Variants in KIAA1958 observed in about 807,000 individuals in gnomAD.
KIAA1958 encodes uncharacterized protein KIAA1958.
In KIAA1958, 14 loss-of-function variants were observed where a neutral mutation model predicts 47.2. The ratio of observed to expected loss-of-function variants is 0.30; its 90% CI spans 0.20 to 0.46. KIAA1958 has a LOEUF of 0.46. Among genes scored for constraint, KIAA1958 ranks in the 20% least tolerant of loss-of-function variants. The probability of loss-of-function intolerance (pLI) is 1.00; values close to 1 mark genes in which losing one functional copy is unlikely to be tolerated. For missense variants in KIAA1958, 803 were observed against 909.2 expected (o/e 0.88, Z 1.50); for synonymous variants, 354 against 353.3 (o/e 1.00, Z -0.02).
chr9:112,539,461 G>A (rs1834904753), intron 1 of KIAA1958, among the ~76,000 whole-genome samples: 1 of 152,120 alleles, frequency 6.6e-6, no homozygotes, highest in South Asian at 2.1e-4. Context: ...TCATGAAATG[G>A]GTAGCATAGA....
intron 1 of KIAA1958, among the ~76,000 whole-genome samples, chr9:112,572,653 G>A (rs1835559800): frequency 6.6e-6 from 1 of 152,182 alleles, no homozygotes; most frequent in South Asian, 2.1e-4. Context: ...GAAGAGGCTG[G>A]CCAGGTGAGG....
chr9:112,643,572 C>T (rs543838020), intron 2 of KIAA1958, among the ~76,000 whole-genome samples: 1 of 152,214 alleles, frequency 6.6e-6, no homozygotes, highest in Non-Finnish European at 1.5e-5. Context: ...AGTCTACCTA[C>T]AAGACACAGT....
chr9:112,534,887 G>T (rs1381588041), intron 1 of KIAA1958, among the ~76,000 whole-genome samples: 2 of 152,094 alleles, frequency 1.3e-5, no homozygotes, highest in Non-Finnish European at 2.9e-5. Context: ...ATATTTTAAG[G>T]AGACAACCTC....
At chr9:112,547,681 G>A (rs1835063724) in intron 1 of KIAA1958, among the ~76,000 whole-genome samples, 1 of 152,164 alleles carries the variant, frequency 6.6e-6, no homozygotes, top group Non-Finnish European at 1.5e-5. Context: ...ATATTTCTTT[G>A]ACATATTTTG....
At chr9:112,492,916 C>CTTTTT (rs60299333) in intron 1 of KIAA1958, among the ~76,000 whole-genome samples, 9 of 114,152 alleles carry the variant, frequency 7.9e-5, no homozygotes, top group Admixed American at 1.0e-4. Context: ...GCCCAGCTCA[C>CTTTTT]TTTTTTTTTT....
At chr9:112,507,764 C>T (rs1226517593) in intron 1 of KIAA1958, among the ~76,000 whole-genome samples, 2 of 151,992 alleles carry the variant, frequency 1.3e-5, no homozygotes, top group African/African-American at 2.4e-5. Context: ...TTCTTTCTCT[C>T]TCTCTCTTTC....
intron 3 of KIAA1958, among the ~76,000 whole-genome samples, chr9:112,657,127 G>A (rs1291377958): frequency 2.0e-5 from 3 of 150,252 alleles, no homozygotes; most frequent in African/African-American, 7.3e-5. Flanking sequence ...ATAGAGTCTT[G>A]CTCTGTTGCC....
Position 112,575,187 on chromosome 9 carries a change from C to T in KIAA1958, c.1107C>T (p.Ser369=), listed in dbSNP as rs1382664332. The change falls in exon 2 of 4, where the codon TCC becomes TCT. Residue 369 remains serine (S), a synonymous_variant. Transcript: ENST00000337530. ...PSVNTEPEVS[S]SQQQPPVAPA... ...TTAACACAGAGCCAGAAGTGAGCTCCAGTCAGCAGCAGCCCCCAGTCGCTC... is the reference window on the plus strand; with the variant it reads ...TTAACACAGAGCCAGAAGTGAGCTCTAGTCAGCAGCAGCCCCCAGTCGCTC... 6.3e-7 allele frequency: 1 copy of T among 1,588,548 alleles called. No homozygotes were observed. Among genetic ancestry groups the T allele is most frequent in the Non-Finnish European group, 8.5e-7 (1 of 1,174,540 alleles).
chr9:112,632,032 A>G (rs1194573580), intron 2 of KIAA1958, among the ~76,000 whole-genome samples: 3 of 152,204 alleles, frequency 2.0e-5, no homozygotes, highest in African/African-American at 7.2e-5. Flanking sequence ...TAAAAAGAAC[A>G]TTTTATTTAT....
chr9:112,645,715 A>T lies in KIAA1958; in HGVS notation c.1237A>T (p.Thr413Ser). 1 of 1,613,780 alleles carries T rather than the reference A, an allele frequency of 6.2e-7. No homozygotes were observed. Residue 413 changes from threonine (T) to serine (S), a missense_variant, in exon 3 of 4, where the codon ACC becomes TCC. By Grantham distance (58) the Thr-to-Ser change is moderately conservative. This residue lies in a region of KIAA1958 where 761 missense variants were observed against 829.3 expected (regional missense o/e 0.92). Coordinates refer to ENST00000337530, the MANE Select transcript of KIAA1958 (RefSeq NM_133465.4). ...TAATGATGACTTGAATGATCTGTGT[A>T]CCAGTGCAGTAAGCCCAAATACTAC... ...NINDDLNDLC[T>S]SAVSPNTTKA... is the part of the protein sequence containing the mutation.
chr9:112,599,188 ATACTTTTTG>A (rs1836086154), intron 2 of KIAA1958, among the ~76,000 whole-genome samples: 1 of 152,178 alleles, frequency 6.6e-6, no homozygotes, highest in Admixed American at 6.5e-5. Flanking sequence ...TACTTTCTTC[ATACTTTTTG>A]TATTTTGTGG....
intron 1 of KIAA1958, among the ~76,000 whole-genome samples, chr9:112,487,822 A>G (rs1833889951): frequency 1.3e-5 from 2 of 150,724 alleles, no homozygotes; most frequent in Admixed American, 1.3e-4. Context: ...ACAACGTCAA[A>G]CCAAAATCAA....
intron 3 of KIAA1958, among the ~76,000 whole-genome samples, chr9:112,654,028 G>A (rs1316179554): frequency 6.6e-6 from 1 of 152,156 alleles, no homozygotes; most frequent in Admixed American, 6.5e-5. Context: ...AGATTCAAGG[G>A]GTGGGAAAAT....
intron 1 of KIAA1958, among the ~76,000 whole-genome samples, chr9:112,573,437 G>A (rs551173648): frequency 6.6e-6 from 1 of 152,232 alleles, no homozygotes; most frequent in South Asian, 2.1e-4. Flanking sequence ...CTCCCAGTCT[G>A]TTCTCCCTTC....
At chr9:112,641,865 C>T (rs1836896347) in intron 2 of KIAA1958, among the ~76,000 whole-genome samples, 1 of 151,966 alleles carries the variant, frequency 6.6e-6, no homozygotes, top group Non-Finnish European at 1.5e-5. Context: ...TTTCCTTTTC[C>T]AGTAAAGACT....
chr9:112,528,617 G>C (rs187489565), intron 1 of KIAA1958, among the ~76,000 whole-genome samples: 2 of 152,236 alleles, frequency 1.3e-5, no homozygotes, highest in East Asian at 3.9e-4. Context: ...CTGCCTCCTG[G>C]GTTCAAGCGA....
chr9:112,490,900 T>G (rs1833957051), intron 1 of KIAA1958, among the ~76,000 whole-genome samples: 1 of 152,200 alleles, frequency 6.6e-6, no homozygotes, highest in Non-Finnish European at 1.5e-5. Flanking sequence ...AGGACAACAG[T>G]GATATTCTTA....
intron 1 of KIAA1958, among the ~76,000 whole-genome samples, chr9:112,525,926 T>C (rs867134420): frequency 4.0e-4 from 1 of 2,486 alleles, no homozygotes; most frequent in African/African-American, 6.3e-3. Flanking sequence ...TCTTTCTTCT[T>C]CTTCTTCTTC....
intron 2 of KIAA1958, among the ~76,000 whole-genome samples, chr9:112,576,953 C>T (rs1835656319): frequency 6.6e-6 from 1 of 152,084 alleles, no homozygotes; most frequent in Non-Finnish European, 1.5e-5. Flanking sequence ...CATTGTACAG[C>T]CTCACTAGTA....
Sources: allele counts gnomAD v4.1 joint callset (sites outside exome capture counted in the v4.1 genomes callset), GRCh38; gene constraint gnomAD v4.1.1; regional missense constraint gnomAD v4.1.1; transcripts MANE v1.5; gene names NCBI Gene and HGNC (gene_info 2026-07-23, HGNC 2026-07-21).